The following FGD6 variants were observed in gnomAD, a reference collection of about 807,000 sequenced individuals.
The protein encoded by FGD6 is FYVE, RhoGEF and PH domain containing 6, also known as FYVE, RhoGEF and PH domain-containing protein 6.
In FGD6, 90 loss-of-function variants were observed where a neutral mutation model predicts 149.4. The ratio of observed to expected loss-of-function variants is 0.60; its 90% CI spans 0.51 to 0.72. The LOEUF (loss-of-function observed/expected upper bound fraction) is 0.72. FGD6 is among the 30% of genes least tolerant of loss of function. FGD6 has a pLI of 0.00. For missense variants in FGD6, 1,437 were observed against 1,684.8 expected (o/e 0.85, Z 2.57); for synonymous variants, 527 against 584.0 (o/e 0.90, Z 1.41).
chr12:95,117,909 C>T (rs999898284), intron 8 of FGD6, among the ~76,000 whole-genome samples: 5 of 152,056 alleles, frequency 3.3e-5, no homozygotes, highest in Admixed American at 6.5e-5. Context: ...GGCATGGGGG[C>T]GCATGCCTGT....
chr12:95,200,328 CAG>C (rs763307532), intron 2 of FGD6, among the ~76,000 whole-genome samples: 4 of 152,156 alleles, frequency 2.6e-5, no homozygotes, highest in Non-Finnish European at 4.4e-5. Context: ...ATGGAAACAT[CAG>C]GGGGAAACTG....
At chr12:95,103,976 G>T (rs187760770) in intron 14 of FGD6, among the ~76,000 whole-genome samples, 2 of 152,326 alleles carry the variant, frequency 1.3e-5, no homozygotes, top group Admixed American at 1.3e-4. Flanking sequence ...TCATAGGTTT[G>T]TTAGAACCTT....
Position 95,202,168 on chromosome 12 carries a change from C to T in FGD6, c.2441+6675G>A, listed in dbSNP as rs546728336. 2.0e-5 allele frequency among the ~76,000 whole-genome samples: 3 copies of T among 152,004 alleles called. No homozygotes were observed. In the South Asian group the frequency reaches 6.2e-4, roughly 32 times the overall value. The stretch of plus-strand genomic sequence containing the variant: ...ACTTTGGGAGGCCGAGGTGGGCTGA[C>T]TTGAGGTCAGGAGTTCAATACCAGC... On this transcript the variant is annotated intron_variant, in intron 2 of 20. Transcript: ENST00000343958.
Position 95,126,331 on chromosome 12 carries a change from A to G in FGD6, c.3082+8408T>C, listed in dbSNP as rs1433742232. On this transcript the variant is annotated intron_variant, in intron 8 of 20. Transcript: ENST00000343958. ...GCAGCACCTCCTCCAAAAGCTCAGA[A>G]GGGTCAAAAAGCTCCAGCCCAGAAA... 5.8e-6 allele frequency: 9 copies of G among 1,560,054 alleles called. No homozygotes were observed. In the East Asian group the frequency reaches 2.1e-4, roughly 36 times the overall value.
At chr12:95,197,704 CAGAG>C (rs145530256) in intron 2 of FGD6, among the ~76,000 whole-genome samples, 6,781 of 152,190 alleles carry the variant, frequency 0.045, 210 homozygotes, top group Middle Eastern at 0.099. Context: ...ATGTACTTGA[CAGAG>C]AGAACAAAAT....
chr12:95,212,609 C>A (rs1334600345), intron 1 of FGD6, among the ~76,000 whole-genome samples: 1 of 152,086 alleles, frequency 6.6e-6, no homozygotes, highest in African/African-American at 2.4e-5. Flanking sequence ...TATATTTGTT[C>A]GTTTGACAGG....
At chr12:95,128,316 A>T (rs1879409657) in intron 8 of FGD6, among the ~76,000 whole-genome samples, 1 of 152,118 alleles carries the variant, frequency 6.6e-6, no homozygotes, top group Admixed American at 6.5e-5. Flanking sequence ...GGCTGATTGC[A>T]GCCTTGAACT....
At chr12:95,105,238 T>G in intron 13 of FGD6, 152 bp from the exon 14 acceptor site, 1 of 668,370 alleles carries the variant, frequency 1.5e-6, no homozygotes, top group East Asian at 2.7e-5. Flanking sequence ...TACTCTATGC[T>G]TCAGATGAAT....
intron 2 of FGD6, among the ~76,000 whole-genome samples, chr12:95,182,175 C>A (rs11107928): frequency 0.11 from 14,268 of 126,942 alleles, 806 homozygotes; most frequent in East Asian, 0.28. Context: ...CAAGAGAATA[C>A]TTCACAGTTG....
At position 95,172,816 on chromosome 12, in the gene FGD6, A is replaced by T. The variant is rs1024528784; in HGVS notation, c.2442-72T>A. On this transcript the variant is annotated intron_variant, in intron 2 of 20. Coordinates refer to ENST00000343958, the MANE Select transcript of FGD6 (RefSeq NM_018351.4). ...GTGCTAGCAAAACAAAAACCAAATC[A>T]ACATCTTATCTTCATAATGCAAACA... 28 of 1,253,288 alleles carry T rather than the reference A, an allele frequency of 2.2e-5. No homozygotes were observed. The African/African-American group carries it at 4.1e-4, about 19-fold the overall frequency. The allele number at this position is 1,253,288 out of a possible 1,614,324, so 77.6% of individuals were successfully genotyped here.
At chr12:95,101,041 G>A (rs1878411599) in intron 14 of FGD6, 2 of 293,804 alleles carry the variant, frequency 6.8e-6, no homozygotes, top group Non-Finnish European at 1.3e-5. Flanking sequence ...AAGAAGAATG[G>A]AAATAGTTAT....
At chr12:95,116,563 T>C (rs1879020862) in intron 8 of FGD6, among the ~76,000 whole-genome samples, 1 of 152,184 alleles carries the variant, frequency 6.6e-6, no homozygotes, top group East Asian at 1.9e-4. Flanking sequence ...TAAGTTGCAT[T>C]TTCTTTGCTT....
intron 2 of FGD6, among the ~76,000 whole-genome samples, chr12:95,197,166 C>T (rs548235671): frequency 1.1e-4 from 17 of 151,474 alleles, no homozygotes; most frequent in Non-Finnish European, 7.4e-5. Context: ...AGGCCAGGCA[C>T]GGTGGCTCAT....
At chr12:95,119,630 T>C (rs1369491534) in intron 8 of FGD6, among the ~76,000 whole-genome samples, 1 of 152,356 alleles carries the variant, frequency 6.6e-6, no homozygotes, top group African/African-American at 2.4e-5. Context: ...GATTTATAAG[T>C]AACACTGATT....
intron 7 of FGD6, among the ~76,000 whole-genome samples, chr12:95,136,028 C>T (rs35498210): frequency 0.29 from 43,534 of 152,032 alleles, 6,687 homozygotes; most frequent in East Asian, 0.39. Context: ...TTGTCTATTG[C>T]ACAAATCAGA....
At chr12:95,099,406 A>C (rs1428855102) in intron 14 of FGD6, among the ~76,000 whole-genome samples, 1 of 152,116 alleles carries the variant, frequency 6.6e-6, no homozygotes, top group African/African-American at 2.4e-5. Context: ...CTCCTTACCC[A>C]CTTTAATATG....
chr12:95,130,627 C>T (rs771058772), intron 8 of FGD6, among the ~76,000 whole-genome samples: 1 of 152,104 alleles, frequency 6.6e-6, no homozygotes, highest in Non-Finnish European at 1.5e-5. Context: ...GCCTGTGATG[C>T]CAGCACTTTG....
At chr12:95,180,773 C>G (rs143853831) in intron 2 of FGD6, among the ~76,000 whole-genome samples, 3 of 151,938 alleles carry the variant, frequency 2.0e-5, no homozygotes, top group African/African-American at 7.3e-5. Flanking sequence ...TGACCACCCC[C>G]CCGACACACA....
chr12:95,115,416 T>TTTTTTA (rs1878977293), intron 8 of FGD6, among the ~76,000 whole-genome samples: 3 of 150,250 alleles, frequency 2.0e-5, no homozygotes, highest in Non-Finnish European at 3.0e-5. Flanking sequence ...TTTTTTTTTT[T>TTTTTTA]GCAGAGGCAG....
Sources: allele counts gnomAD v4.1 joint callset (sites outside exome capture counted in the v4.1 genomes callset), GRCh38; gene constraint gnomAD v4.1.1; transcripts MANE v1.5; gene names NCBI Gene and HGNC (gene_info 2026-07-23, HGNC 2026-07-21).